The following CDS2 variants were observed in gnomAD, a reference collection of about 807,000 sequenced individuals.
The protein encoded by CDS2 is CDP-diacylglycerol synthase 2.
CDS2 carries 47 observed loss-of-function variants against 59.0 expected under a neutral mutation model. The ratio of observed to expected loss-of-function variants is 0.80; its 90% CI spans 0.63 to 1.02. CDS2 has a LOEUF of 1.02. Among genes scored for constraint, CDS2 ranks in the 50% least tolerant of loss-of-function variants. CDS2 has a pLI of 0.00. For synonymous variants in CDS2, 207 were observed against 206.4 expected (o/e 1.00, Z -0.02); for missense variants, 356 against 558.9 (o/e 0.64, Z 3.66).
intron 1 of CDS2, among the ~76,000 whole-genome samples, chr20:5,167,251 T>C (rs1457685206): frequency 6.6e-6 from 1 of 152,234 alleles, no homozygotes; most frequent in African/African-American, 2.4e-5. Context: ...GTCCTTTCTC[T>C]GAGTGCAGTT....
At chr20:5,152,574 T>A (rs956628632) in intron 1 of CDS2, among the ~76,000 whole-genome samples, 1 of 152,182 alleles carries the variant, frequency 6.6e-6, no homozygotes, top group African/African-American at 2.4e-5. Context: ...AAACCCTGTC[T>A]CTACTAAAAA....
At position 5,189,733 on chromosome 20, in the gene CDS2, A is replaced by G. The variant is rs926160812; in HGVS notation, c.1102-2A>G. 2 of 1,612,660 alleles carry G rather than the reference A, an allele frequency of 1.2e-6. No individual in the cohort carries two copies. The highest frequency in any genetic ancestry group is 1.7e-5 in the Admixed American group (1 of 59,918). On this transcript the variant is annotated splice_acceptor_variant, in intron 11 of 12. Coordinates refer to ENST00000460006, the MANE Select transcript of CDS2 (RefSeq NM_003818.4). LOFTEE classifies it high-confidence loss of function. ...CACCCATCCTTCCCCTGCCTCTAAC[A>G]GGACTTTGCCAATACCATTCCTGGC...
At chr20:5,149,454 T>A (rs183027589) in intron 1 of CDS2, among the ~76,000 whole-genome samples, 1 of 152,284 alleles carries the variant, frequency 6.6e-6, no homozygotes, top group East Asian at 1.9e-4. Context: ...CCATTTGAAG[T>A]ATTATTTTGG....
intron 1 of CDS2, among the ~76,000 whole-genome samples, chr20:5,132,131 T>C (rs1413185396): frequency 6.6e-6 from 1 of 151,938 alleles, no homozygotes; most frequent in Non-Finnish European, 1.5e-5. Context: ...GGAGTCTCGC[T>C]GTGCCACCCA....
At chr20:5,149,533 C>T (rs1301469569) in intron 1 of CDS2, among the ~76,000 whole-genome samples, 1 of 152,018 alleles carries the variant, frequency 6.6e-6, no homozygotes, top group Non-Finnish European at 1.5e-5. Context: ...GTCCTCCTCT[C>T]CTTGCTTCCC....
chr20:5,186,145 C>T (rs148613146), intron 9 of CDS2, among the ~76,000 whole-genome samples: 2 of 152,360 alleles, frequency 1.3e-5, no homozygotes, highest in Non-Finnish European at 2.9e-5. Context: ...CAGCTTTTCT[C>T]CTATGTGTGC....
At position 5,176,740 on chromosome 20, in the gene CDS2, C is replaced by CAGCTGGTAAG; in HGVS notation, c.385_389+5dup. On this transcript the variant is annotated stop_gained and frameshift_variant, in exon 4 of 13. Transcript: ENST00000460006. LOFTEE classifies it high-confidence loss of function. ...ATGATCTGCCCTGGTTCAGGACGCT[C>CAGCTGGTAAG]AGCTGGTAAGCTCTCCGGCCCCACA... The CAGCTGGTAAG allele has an allele frequency of 6.2e-7, 1 of 1,611,842 alleles. No homozygotes were observed. Among genetic ancestry groups the CAGCTGGTAAG allele is most frequent in the South Asian group, 1.1e-5 (1 of 91,020 alleles).
chr20:5,174,754 A>G (rs1305849488), intron 2 of CDS2, among the ~76,000 whole-genome samples: 1 of 152,092 alleles, frequency 6.6e-6, no homozygotes, highest in Non-Finnish European at 1.5e-5. Flanking sequence ...TATTTATGGT[A>G]GCTGTTATTA....
intron 1 of CDS2, among the ~76,000 whole-genome samples, chr20:5,149,662 A>G (rs1289981860): frequency 6.6e-6 from 1 of 152,144 alleles, no homozygotes; most frequent in Non-Finnish European, 1.5e-5. Flanking sequence ...TCGACCTCGC[A>G]AAGTGCTGGG....
chr20:5,144,388 G>GC (rs2090722120), intron 1 of CDS2, among the ~76,000 whole-genome samples: 1 of 152,088 alleles, frequency 6.6e-6, no homozygotes, highest in African/African-American at 2.4e-5. Flanking sequence ...ATATTATATG[G>GC]CCCCCCTAGT....
chr20:5,183,607 C>T (rs1419673263), intron 7 of CDS2, among the ~76,000 whole-genome samples: 1 of 152,092 alleles, frequency 6.6e-6, no homozygotes, highest in Non-Finnish European at 1.5e-5. Context: ...AGAAACAGGA[C>T]CAAATGGGTT....
chr20:5,133,610 C>G (rs971600161), intron 1 of CDS2, among the ~76,000 whole-genome samples: 1 of 152,152 alleles, frequency 6.6e-6, no homozygotes, highest in Admixed American at 6.5e-5. Context: ...TGACCGCAAC[C>G]TCTGCCTCCT....
intron 1 of CDS2, among the ~76,000 whole-genome samples, chr20:5,129,143 G>A (rs6053127): frequency 0.04 from 6,057 of 152,180 alleles, 359 homozygotes; most frequent in African/African-American, 0.13. Flanking sequence ...CACTTGTGGC[G>A]TGTTGTTTCC....
At chr20:5,151,750 CTTTTTTTTTTTTTTTTTTT>C (rs57378947) in intron 1 of CDS2, among the ~76,000 whole-genome samples, 3 of 53,198 alleles carry the variant, frequency 5.6e-5, no homozygotes, top group Non-Finnish European at 8.8e-5. Flanking sequence ...GACTCCATGT[CTTTTTTTTTTTTTTTTTTT>C]TTTTTTTTTT....
intron 10 of CDS2, among the ~76,000 whole-genome samples, chr20:5,188,292 T>C (rs2091085533): frequency 6.6e-6 from 1 of 152,206 alleles, no homozygotes; most frequent in African/African-American, 2.4e-5. Context: ...GATAGAATTC[T>C]AGATTCCATA....
intron 1 of CDS2, among the ~76,000 whole-genome samples, chr20:5,133,208 G>A (rs1028452001): frequency 1.3e-5 from 2 of 152,160 alleles, no homozygotes; most frequent in Admixed American, 6.6e-5. Flanking sequence ...TTTAAAAAAT[G>A]TTAAATTGCT....
At position 5,189,117 on chromosome 20, in the gene CDS2, C is replaced by G; in HGVS notation, c.1032C>G (p.Thr344=). 6.2e-7 allele frequency: 1 copy of G among 1,614,208 alleles called. No individual in the cohort carries two copies. Among genetic ancestry groups the G allele is most frequent in the Non-Finnish European group, 8.5e-7 (1 of 1,180,022 alleles). The change falls in exon 11 of 13, where the codon ACC becomes ACG. Residue 344 remains threonine (T), a synonymous_variant. Transcript: ENST00000460006. ...PFQIHSIALS[T]FASLIGPFGG... is the part of the protein sequence containing the mutation. Reference sequence around the variant, plus strand: ...AGATTCACAGCATCGCTCTCTCCACCTTTGCCTCGCTCATTGGCCCCTTTG... The same window carrying G: ...AGATTCACAGCATCGCTCTCTCCACGTTTGCCTCGCTCATTGGCCCCTTTG...
At chr20:5,161,383 G>T (rs974938275) in intron 1 of CDS2, among the ~76,000 whole-genome samples, 3 of 152,132 alleles carry the variant, frequency 2.0e-5, no homozygotes, top group Admixed American at 1.3e-4. Flanking sequence ...TCTCATATTG[G>T]ACAGTATAGA....
rs377160221 is a variant in CDS2 at position 5,190,883 on chromosome 20, A to G, written c.*649A>G. 5.2e-5 allele frequency: 8 copies of G among 152,438 alleles called. No individual in the cohort carries two copies. In the East Asian group the frequency reaches 9.6e-4, roughly 18 times the overall value. The allele number at this position is 152,438 out of a possible 1,614,324, so 9.4% of individuals were successfully genotyped here. A position where few individuals can be genotyped will look rare whatever the true frequency, so the allele number is the denominator to read the frequency against. ...TTATTTTTTTCAGAAAGCACGAAAA[A>G]TTATTTATAATAGTCTGGAGAAAAA... On this transcript the variant is annotated 3_prime_UTR_variant, in exon 13 of 13. Transcript: ENST00000460006.
Sources: gnomAD v4.1 joint callset for allele counts (sites outside exome capture counted in the v4.1 genomes callset) on GRCh38, gnomAD v4.1.1 for gene constraint, MANE v1.5 for transcripts, NCBI Gene and HGNC (gene_info 2026-07-23, HGNC 2026-07-21) for gene names.